ANKRD30B: variants seen among roughly 807,000 people sequenced by gnomAD.
ANKRD30B encodes ankyrin repeat domain-containing protein 30B.
Under a neutral mutation model 202.2 loss-of-function variants are expected in ANKRD30B, and 144 were observed. That is an observed-to-expected ratio of 0.71 (90% CI 0.62 to 0.82). ANKRD30B has a LOEUF of 0.82. Ranked by LOEUF, ANKRD30B falls within the 40% of genes least tolerant of loss-of-function variation. The pLI is 0.00. For missense variants in ANKRD30B, 1,487 were observed against 1,669.1 expected (o/e 0.89, Z 1.90); for synonymous variants, 508 against 561.3 (o/e 0.91, Z 1.34).
chr18:14,800,877 G>A (rs553873771), intron 22 of ANKRD30B, among the ~76,000 whole-genome samples: 771 of 21,314 alleles, frequency 0.036, 80 homozygotes, highest in African/African-American at 0.14. Context: ...CTTTTTAAAT[G>A]TCAGATTGTT....
the ANKRD30B span, among the ~76,000 whole-genome samples, chr18:14,892,950 G>T: frequency 6.6e-6 from 1 of 151,698 alleles, no homozygotes; most frequent in Non-Finnish European, 1.5e-5. Flanking sequence ...AAAATAAGGT[G>T]GTGAACATTT....
At chr18:14,832,822 T>C (rs1408464361) in intron 34 of ANKRD30B, among the ~76,000 whole-genome samples, 1 of 152,188 alleles carries the variant, frequency 6.6e-6, no homozygotes, top group Non-Finnish European at 1.5e-5. Flanking sequence ...AGACAATAAA[T>C]CAGAGATATG....
intron 36 of ANKRD30B, among the ~76,000 whole-genome samples, chr18:14,839,282 C>T (rs1277814553): frequency 2.0e-5 from 3 of 152,250 alleles, no homozygotes; most frequent in East Asian, 1.9e-4. Flanking sequence ...AATTAGCACG[C>T]GTATGGGAGT....
the ANKRD30B span, among the ~76,000 whole-genome samples, chr18:14,863,919 G>A: frequency 6.6e-6 from 1 of 150,444 alleles, no homozygotes; most frequent in African/African-American, 2.5e-5. Context: ...TGATTACATG[G>A]GTTTTATTCC....
intron 4 of ANKRD30B, among the ~76,000 whole-genome samples, chr18:14,755,213 A>T (rs772347032): frequency 1.3e-5 from 2 of 152,150 alleles, no homozygotes; most frequent in Admixed American, 1.3e-4. Flanking sequence ...TTCTCTTATT[A>T]TATTGACTGA....
the ANKRD30B span, among the ~76,000 whole-genome samples, chr18:14,919,763 A>G: frequency 1.3e-5 from 2 of 152,376 alleles, no homozygotes; most frequent in East Asian, 3.9e-4. Context: ...CCTGCTGGCC[A>G]GGTGACTTTG....
intron 34 of ANKRD30B, 26 bp from the exon 35 acceptor site, chr18:14,837,185 T>C (rs114257052): frequency 6.8e-7 from 1 of 1,481,194 alleles, no homozygotes; most frequent in Non-Finnish European, 9.1e-7. Flanking sequence ...TTTTTGTGTT[T>C]GCTTTCTGTG....
chr18:14,920,237 G>A, the ANKRD30B span, among the ~76,000 whole-genome samples: 1 of 152,170 alleles, frequency 6.6e-6, no homozygotes. Flanking sequence ...GTGAAGCACT[G>A]GTTCTATAGA....
intron 39 of ANKRD30B, among the ~76,000 whole-genome samples, chr18:14,847,433 C>T (rs1971695865): frequency 7.0e-6 from 1 of 142,520 alleles, no homozygotes; most frequent in Non-Finnish European, 1.5e-5. Flanking sequence ...CTCCTTCTAC[C>T]TCTTTGTGGA....
chr18:14,876,939 G>A, the ANKRD30B span, among the ~76,000 whole-genome samples: 2 of 10,702 alleles, frequency 1.9e-4, no homozygotes, highest in Admixed American at 3.4e-3. Context: ...AATAAATTCA[G>A]TGCATTCTAT....
At chr18:14,793,661 G>C (rs531214675) in intron 16 of ANKRD30B, among the ~76,000 whole-genome samples, 2 of 152,118 alleles carry the variant, frequency 1.3e-5, no homozygotes, top group African/African-American at 4.8e-5. Flanking sequence ...TTGGGAGGCC[G>C]AGGCGGGCGG....
At chr18:14,753,166 AT>A (rs1168625242) in intron 3 of ANKRD30B, among the ~76,000 whole-genome samples, 154 bp downstream of exon 3, 4 of 152,182 alleles carry the variant, frequency 2.6e-5, no homozygotes, top group African/African-American at 7.2e-5. Context: ...TTAAATATTA[AT>A]TTTTTAAAAG....
the ANKRD30B span, among the ~76,000 whole-genome samples, chr18:14,878,954 T>C: frequency 1.3e-5 from 2 of 152,152 alleles, no homozygotes; most frequent in East Asian, 3.9e-4. Context: ...AGTTCTCCTC[T>C]GCACAGACTT....
At chr18:14,797,443 C>CAATAATAA in intron 18 of ANKRD30B, among the ~76,000 whole-genome samples, 1 of 152,268 alleles carries the variant, frequency 6.6e-6, no homozygotes, top group East Asian at 1.9e-4. Context: ...TTACAATAAC[C>CAATAATAA]AGGAGCATTG....
chr18:14,835,648 G>A (rs1323198726), intron 34 of ANKRD30B, among the ~76,000 whole-genome samples: 1 of 151,354 alleles, frequency 6.6e-6, no homozygotes, highest in African/African-American at 2.4e-5. Context: ...AATAATTGTT[G>A]CTTAATTTTC....
chr18:14,867,068 C>T, the ANKRD30B span, among the ~76,000 whole-genome samples: 30 of 134,766 alleles, frequency 2.2e-4, no homozygotes, highest in Non-Finnish European at 4.0e-4. Flanking sequence ...TGCAGTACCC[C>T]GGGCGTTCAC....
Position 14,850,229 on chromosome 18 carries a change from A to C in ANKRD30B, c.3411A>C (p.Gln1137His). Reference sequence around the variant, plus strand: ...TTAATGGCAGATTGACTTTAAATCAAGAAGAAGAGAAGAGAAGAAATGTCG... The same window carrying C: ...TTAATGGCAGATTGACTTTAAATCACGAAGAAGAGAAGAGAAGAAATGTCG... ...ELCSVRLTLNQEEEKRRNVDI... is the reference protein window; with the variant it reads ...ELCSVRLTLNHEEEKRRNVDI... Residue 1137 changes from glutamine to histidine, a missense_variant, in exon 41 of 44, where the codon CAA (glutamine) becomes CAC (histidine). Transcript: ENST00000690538. 1 of 1,553,424 alleles carries C rather than the reference A, an allele frequency of 6.4e-7. No homozygotes were observed.
intron 15 of ANKRD30B, among the ~76,000 whole-genome samples, chr18:14,788,401 A>G (rs988433125): frequency 6.6e-6 from 1 of 151,894 alleles, no homozygotes; most frequent in African/African-American, 2.4e-5. Context: ...ATTTTCTTTT[A>G]TTATTATTAT....
At chr18:14,759,510 G>A (rs1218500922) in intron 5 of ANKRD30B, among the ~76,000 whole-genome samples, 5 of 152,180 alleles carry the variant, frequency 3.3e-5, no homozygotes, top group African/African-American at 1.2e-4. Flanking sequence ...CTTGCATCTT[G>A]TTTGTGGAAC....
Sources: allele counts gnomAD v4.1 joint callset (sites outside exome capture counted in the v4.1 genomes callset), GRCh38; gene constraint gnomAD v4.1.1; transcripts MANE v1.5; gene names NCBI Gene and HGNC (gene_info 2026-07-23, HGNC 2026-07-21).